Variants in IMMP2L observed in about 807,000 individuals in gnomAD.
IMMP2L encodes inner mitochondrial membrane peptidase subunit 2.
In IMMP2L, 18 loss-of-function variants were observed where a neutral mutation model predicts 19.3. That is an observed-to-expected ratio of 0.93 (90% confidence interval 0.64 to 1.38). IMMP2L has a LOEUF of 1.38. Ranked by LOEUF, IMMP2L falls within the 40% of genes most tolerant of loss-of-function variation. The probability of loss-of-function intolerance (pLI) is 0.00; values close to 1 mark genes in which losing one functional copy is unlikely to be tolerated. For missense variants in IMMP2L, 233 were observed against 218.2 expected (o/e 1.07, Z -0.43); for synonymous variants, 76 against 73.0 (o/e 1.04, Z -0.21).
chr7:111,501,580 C>G (rs1244249332), intron 2 of IMMP2L, among the ~76,000 whole-genome samples: 3 of 152,094 alleles, frequency 2.0e-5, no homozygotes, highest in Non-Finnish European at 4.4e-5. Flanking sequence ...AGAGAAAGGT[C>G]GGGTTACCCA....
chr7:110,819,926 A>G (rs1473796536), intron 5 of IMMP2L, among the ~76,000 whole-genome samples: 1 of 152,078 alleles, frequency 6.6e-6, no homozygotes, highest in African/African-American at 2.4e-5. Flanking sequence ...CTTTTAAACA[A>G]TATTTACATG....
chr7:111,409,249 C>G (rs1434798480), intron 3 of IMMP2L, among the ~76,000 whole-genome samples: 2 of 151,466 alleles, frequency 1.3e-5, no homozygotes, highest in Non-Finnish European at 2.9e-5. Flanking sequence ...ACCCTTAATT[C>G]TCTTAAAATT....
At chr7:111,387,577 C>T (rs1469192123) in intron 3 of IMMP2L, among the ~76,000 whole-genome samples, 1 of 152,092 alleles carries the variant, frequency 6.6e-6, no homozygotes. Flanking sequence ...TCTTTAACAT[C>T]AAAAATGGCT....
At chr7:111,307,560 A>C in intron 3 of IMMP2L, among the ~76,000 whole-genome samples, 4 of 151,874 alleles carry the variant, frequency 2.6e-5, no homozygotes, top group Middle Eastern at 3.4e-3. Context: ...TATAACATAT[A>C]AACTTTGCAT....
rs187844400 is a variant in IMMP2L at position 111,087,187 on chromosome 7, C to T, written c.240-123622G>A. Among the ~76,000 whole-genome samples the T allele has an allele frequency of 3.5e-3, 536 of 152,214 alleles. 3 individuals are homozygous for T. Among genetic ancestry groups the T allele is most frequent in the African/African-American group, 0.012 (519 of 41,536 alleles). On this transcript the variant is annotated intron_variant, in intron 3 of 5. Transcript: ENST00000405709. ...TATCTTTGCCGGGCGCGGTGGCTCACGCCTGTAATCTCAGCACTTTGGGAG... is the reference window on the plus strand; with the variant it reads ...TATCTTTGCCGGGCGCGGTGGCTCATGCCTGTAATCTCAGCACTTTGGGAG...
intron 5 of IMMP2L, among the ~76,000 whole-genome samples, chr7:110,853,436 C>T (rs1239586583): frequency 2.6e-5 from 4 of 151,892 alleles, no homozygotes; most frequent in Non-Finnish European, 4.4e-5. Context: ...AGGCACTGAG[C>T]GCGTATGTCG....
At chr7:111,304,389 T>C (rs910909611) in intron 3 of IMMP2L, among the ~76,000 whole-genome samples, 9 of 151,748 alleles carry the variant, frequency 5.9e-5, no homozygotes, top group African/African-American at 1.5e-4. Context: ...AAGGGGACAA[T>C]AGTAAAAATC....
chr7:110,797,758 G>C (rs1211701524), intron 5 of IMMP2L, among the ~76,000 whole-genome samples: 1 of 151,948 alleles, frequency 6.6e-6, no homozygotes, highest in African/African-American at 2.4e-5. Flanking sequence ...GAGTTGAAAA[G>C]TTATAAACTA....
At chr7:110,674,160 A>T (rs62463971) in intron 5 of IMMP2L, among the ~76,000 whole-genome samples, 3,448 of 152,258 alleles carry the variant, frequency 0.023, 60 homozygotes, top group Non-Finnish European at 0.029. Flanking sequence ...GGAAGCAAGC[A>T]TGTCCTTCTC....
intron 3 of IMMP2L, among the ~76,000 whole-genome samples, chr7:111,243,056 T>G (rs893304330): frequency 2.0e-5 from 3 of 152,202 alleles, no homozygotes; most frequent in African/African-American, 7.2e-5. Flanking sequence ...ACCACATGTC[T>G]GAAGGTGAAA....
chr7:111,060,635 A>T (rs1198762515), intron 3 of IMMP2L, among the ~76,000 whole-genome samples: 1 of 152,234 alleles, frequency 6.6e-6, no homozygotes, highest in Non-Finnish European at 1.5e-5. Flanking sequence ...TAAATCTACA[A>T]GATGGAGATA....
intron 3 of IMMP2L, among the ~76,000 whole-genome samples, chr7:111,351,725 T>A (rs1432549924): frequency 6.6e-6 from 1 of 152,156 alleles, no homozygotes; most frequent in Non-Finnish European, 1.5e-5. Context: ...TGTTATCTAA[T>A]TACATGATCA....
At chr7:111,131,917 T>C (rs564399316) in intron 3 of IMMP2L, among the ~76,000 whole-genome samples, 3 of 151,852 alleles carry the variant, frequency 2.0e-5, no homozygotes, top group Admixed American at 1.3e-4. Flanking sequence ...AGAGAAATAA[T>C]AACAGGAACT....
At chr7:111,377,866 ATATCT>A (rs1489609371) in intron 3 of IMMP2L, among the ~76,000 whole-genome samples, 2 of 152,082 alleles carry the variant, frequency 1.3e-5, no homozygotes, top group Middle Eastern at 3.4e-3. Flanking sequence ...ATCCACATAT[ATATCT>A]TATCATAATA....
chr7:110,858,797 C>T (rs1807078419), intron 5 of IMMP2L, among the ~76,000 whole-genome samples: 1 of 151,744 alleles, frequency 6.6e-6, no homozygotes, highest in South Asian at 2.1e-4. Context: ...TGTTCCCCTT[C>T]CTGTGTCCAT....
chr7:111,043,836 G>A (rs1327669877), intron 3 of IMMP2L, among the ~76,000 whole-genome samples: 1 of 152,106 alleles, frequency 6.6e-6, no homozygotes, highest in Admixed American at 6.5e-5. Flanking sequence ...AAACAGTTGT[G>A]GACAGGAATA....
intron 3 of IMMP2L, among the ~76,000 whole-genome samples, chr7:111,165,518 T>C (rs990051640): frequency 2.6e-5 from 4 of 152,072 alleles, no homozygotes; most frequent in Admixed American, 1.3e-4. Context: ...ACAGTGGCTA[T>C]TTATTTTTTA....
chr7:110,811,548 T>C (rs1212631783), intron 5 of IMMP2L, among the ~76,000 whole-genome samples: 5 of 152,084 alleles, frequency 3.3e-5, no homozygotes, highest in Non-Finnish European at 5.9e-5. Flanking sequence ...TTTATTTTTA[T>C]CCAGACAATT....
chr7:110,679,845 T>C lies in IMMP2L; in HGVS notation c.409-16124A>G, dbSNP rs562316490. On this transcript the variant is annotated intron_variant, in intron 5 of 5. Transcript: ENST00000405709. ...AAAGTAACAACTACAAAGACCAAGA[T>C]AGTTGCTGTGACTAGCACCATATCT... is the stretch of plus-strand genomic sequence containing the variant. Among the ~76,000 whole-genome samples the C allele has an allele frequency of 3.9e-5, 6 of 152,320 alleles. No individual in the cohort carries two copies. In the South Asian group the frequency reaches 1.2e-3, roughly 32 times the overall value.
Sources: allele counts gnomAD v4.1 joint callset (sites outside exome capture counted in the v4.1 genomes callset), GRCh38; gene constraint gnomAD v4.1.1; transcripts MANE v1.5; gene names NCBI Gene and HGNC (gene_info 2026-07-23, HGNC 2026-07-21).